The following CFAP61 variants were observed in gnomAD, a reference collection of about 807,000 sequenced individuals.
CFAP61 encodes the protein cilia and flagella associated protein 61, also known as cilia- and flagella-associated protein 61.
CFAP61 carries 107 observed loss-of-function variants against 135.6 expected under a neutral mutation model. The observed-to-expected ratio is 0.79, with a 90% CI of 0.67 to 0.93. CFAP61 has a LOEUF of 0.93. CFAP61 is among the 40% of genes least tolerant of loss of function. CFAP61 has a pLI of 0.00. For synonymous variants in CFAP61, 575 were observed against 578.5 expected, an observed-to-expected ratio of 0.99 and a Z score of 0.09; for missense variants, 1,507 against 1,556.2, an observed-to-expected ratio of 0.97 and a Z score of 0.53.
intron 26 of CFAP61, among the ~76,000 whole-genome samples, chr20:20,343,773 T>C (rs1164851778): frequency 6.6e-6 from 1 of 152,188 alleles, no homozygotes; most frequent in African/African-American, 2.4e-5. Context: ...GTTAACATTG[T>C]GCACAAAGCC....
intron 8 of CFAP61, among the ~76,000 whole-genome samples, chr20:20,100,727 T>C (rs529381060): frequency 1.2e-4 from 18 of 152,272 alleles, no homozygotes; most frequent in African/African-American, 1.7e-4. Context: ...GTTTCCTACA[T>C]AGAATGAATG....
chr20:20,346,535 AT>A lies in CFAP61; in HGVS notation c.3513+4615del, dbSNP rs200044780. On this transcript the variant is annotated intron_variant, in intron 26 of 26. Transcript: ENST00000245957. ...CTCCGTCTCAAAAAAAAAAAAAAAA[AT>A]CTTCATAACATTTATTTTTAAAAAG... 1.3e-4 allele frequency among the ~76,000 whole-genome samples: 19 copies of A among 150,126 alleles called. 1 individual carries two copies. Among genetic ancestry groups the A allele is most frequent in the Admixed American group, 8.0e-4 (12 of 15,094 alleles).
chr20:20,115,704 CT>C (rs1600730309), intron 8 of CFAP61, among the ~76,000 whole-genome samples: 1 of 152,222 alleles, frequency 6.6e-6, no homozygotes, highest in East Asian at 1.9e-4. Context: ...TCTTTCTATG[CT>C]TAGCTTATTT....
At chr20:20,219,392 G>T (rs548932649) in intron 17 of CFAP61, among the ~76,000 whole-genome samples, 14 of 152,194 alleles carry the variant, frequency 9.2e-5, no homozygotes, top group African/African-American at 2.6e-4. Context: ...GTAACTCTTT[G>T]CTGTATAGTT....
intron 17 of CFAP61, among the ~76,000 whole-genome samples, chr20:20,208,025 G>A (rs1331921546): frequency 1.3e-5 from 2 of 152,230 alleles, no homozygotes; most frequent in Non-Finnish European, 2.9e-5. Flanking sequence ...CCGCTGCTCA[G>A]TGAGTCCTTT....
intron 26 of CFAP61, among the ~76,000 whole-genome samples, chr20:20,358,027 GTCACACT>G: frequency 7.5e-6 from 1 of 132,594 alleles, no homozygotes; most frequent in Admixed American, 7.6e-5. Context: ...AGGGGAGGTG[GTCACACT>G]GAGGAGAGGT....
intron 17 of CFAP61, among the ~76,000 whole-genome samples, chr20:20,226,823 G>A (rs952134703): frequency 6.6e-6 from 1 of 152,198 alleles, no homozygotes; most frequent in Non-Finnish European, 1.5e-5. Context: ...AGTATGCCAC[G>A]TGGTTTACGT....
At chr20:20,160,261 A>G (rs2053284932) in intron 10 of CFAP61, among the ~76,000 whole-genome samples, 1 of 152,166 alleles carries the variant, frequency 6.6e-6, no homozygotes, top group African/African-American at 2.4e-5. Context: ...CAGCAACAGA[A>G]GCCTAGAGAA....
chr20:20,129,627 T>G (rs997756234), intron 8 of CFAP61, among the ~76,000 whole-genome samples: 16 of 151,672 alleles, frequency 1.1e-4, no homozygotes, highest in African/African-American at 3.7e-4. Context: ...GTTTTTTTTT[T>G]TTTTAATAAA....
At chr20:20,259,488 G>GTCTCAAACTTCTAGGCTCA (rs1209208576) in intron 20 of CFAP61, among the ~76,000 whole-genome samples, 1 of 150,618 alleles carries the variant, frequency 6.6e-6, no homozygotes, top group Non-Finnish European at 1.5e-5. Context: ...TCCCAGGCTG[G>GTCTCAAACTTCTAGGCTCA]TCTCAAACTT....
intron 21 of CFAP61, among the ~76,000 whole-genome samples, chr20:20,275,629 A>G (rs2053695574): frequency 6.6e-6 from 1 of 152,240 alleles, no homozygotes; most frequent in South Asian, 2.1e-4. Flanking sequence ...AACAGCCATC[A>G]TGAAAGAGAC....
intron 15 of CFAP61, among the ~76,000 whole-genome samples, chr20:20,195,034 T>G (rs1302281383): frequency 6.6e-6 from 1 of 152,208 alleles, no homozygotes; most frequent in African/African-American, 2.4e-5. Context: ...TCATTTTATT[T>G]TATAATGAGA....
At chr20:20,341,949 T>C (rs1411408395) in intron 26 of CFAP61, 28 bp downstream of exon 26, 4 of 1,473,198 alleles carry the variant, frequency 2.7e-6, no homozygotes, top group Non-Finnish European at 3.8e-6. Flanking sequence ...ATATGTGGAT[T>C]ATTCCTTGCA....
chr20:20,101,011 C>G (rs1210844756), intron 8 of CFAP61, among the ~76,000 whole-genome samples: 2 of 152,146 alleles, frequency 1.3e-5, no homozygotes, highest in Non-Finnish European at 2.9e-5. Flanking sequence ...AAAGATGATT[C>G]CTTATGAAAT....
At chr20:20,228,499 A>T in intron 18 of CFAP61, 123 bp downstream of exon 18, 1 of 711,548 alleles carries the variant, frequency 1.4e-6, no homozygotes, top group Non-Finnish European at 2.3e-6. Context: ...CACCCTGCCT[A>T]TGTGGATGGA....
At chr20:20,302,181 A>G (rs968546905) in intron 25 of CFAP61, among the ~76,000 whole-genome samples, 3 of 152,192 alleles carry the variant, frequency 2.0e-5, no homozygotes, top group African/African-American at 4.8e-5. Context: ...ATGCTTGTGT[A>G]TACAGATGAA....
chr20:20,175,815 G>A (rs1048337427), intron 13 of CFAP61, among the ~76,000 whole-genome samples: 3 of 152,126 alleles, frequency 2.0e-5, no homozygotes, highest in African/African-American at 7.2e-5. Context: ...ACAGGCGTGA[G>A]CCACTGCGCC....
intron 21 of CFAP61, 139 bp downstream of exon 21, chr20:20,263,269 C>T (rs1478287851): frequency 3.2e-5 from 19 of 596,042 alleles, no homozygotes; most frequent in Non-Finnish European, 4.8e-5. Flanking sequence ...GCTTTGTTTT[C>T]CAGATTAATT....
At chr20:20,243,873 G>A (rs932175858) in intron 18 of CFAP61, among the ~76,000 whole-genome samples, 3 of 152,170 alleles carry the variant, frequency 2.0e-5, no homozygotes, top group East Asian at 3.8e-4. Flanking sequence ...TACAGTGGGG[G>A]TACAGGCATT....
Sources: gnomAD v4.1 joint callset for allele counts (sites outside exome capture counted in the v4.1 genomes callset) on GRCh38, gnomAD v4.1.1 for gene constraint, MANE v1.5 for transcripts, NCBI Gene and HGNC (gene_info 2026-07-23, HGNC 2026-07-21) for gene names.